Variants in MED13L observed in about 807,000 individuals in gnomAD.
MED13L encodes the protein mediator complex subunit 13L.
MED13L carries 7 observed loss-of-function variants against 220.9 expected under a neutral mutation model. The ratio of observed to expected loss-of-function variants is 0.03; its 90% CI spans 0.02 to 0.06. MED13L has a LOEUF of 0.06. MED13L is among the 10% of genes least tolerant of loss of function. The pLI, the probability that MED13L is intolerant of heterozygous loss-of-function variation, is 1.00. For synonymous variants in MED13L, 1,011 were observed against 1,015.2 expected (o/e 1.00, Z 0.08); for missense variants, 1,965 against 2,760.5 (o/e 0.71, Z 6.46).
At chr12:116,029,607 A>G (rs1880605204) in intron 4 of MED13L, among the ~76,000 whole-genome samples, 1 of 152,192 alleles carries the variant, frequency 6.6e-6, no homozygotes, top group South Asian at 2.1e-4. Context: ...GTACAGGAAT[A>G]ACAACAAATA....
At chr12:116,111,581 T>A in intron 2 of MED13L, 69 bp from the exon 3 acceptor site, 2 of 1,240,764 alleles carry the variant, frequency 1.6e-6, no homozygotes, top group Non-Finnish European at 2.3e-6. Context: ...AAGAAACTTT[T>A]AAAACATTTT....
At chr12:116,012,547 C>T (rs563064085) in intron 9 of MED13L, among the ~76,000 whole-genome samples, 1 of 152,238 alleles carries the variant, frequency 6.6e-6, no homozygotes, top group Admixed American at 6.5e-5. Flanking sequence ...CAAACTGATG[C>T]CTTTAGTTTT....
chr12:115,984,495 T>C, intron 19 of MED13L, 123 bp from the exon 20 acceptor site: 1 of 1,020,306 alleles, frequency 9.8e-7, no homozygotes, highest in Non-Finnish European at 1.4e-6. Flanking sequence ...TTTAGGGTTA[T>C]CACATGCAAT....
Position 115,959,763 on chromosome 12 carries a change from T to C in MED13L, c.*1503A>G, listed in dbSNP as rs1354294677. 1 of 152,654 alleles carries C rather than the reference T, an allele frequency of 6.6e-6. No homozygotes were observed. Among genetic ancestry groups the C allele is most frequent in the Non-Finnish European group, 1.5e-5 (1 of 68,044 alleles). The allele number at this position is 152,654 out of a possible 1,614,324, so 9.5% of individuals were successfully genotyped here. A position where few individuals can be genotyped will look rare whatever the true frequency, so the allele number is the denominator to read the frequency against. On this transcript the variant is annotated 3_prime_UTR_variant, in exon 31 of 31. Coordinates refer to ENST00000281928, the MANE Select transcript of MED13L (RefSeq NM_015335.5). The stretch of plus-strand genomic sequence containing the variant: ...TCCCACCACACAACTTTTTTTTTAA[T>C]ATAATGTTTTAAACTTTAGATTATT...
Position 116,088,398 on chromosome 12 carries a change from G to A in MED13L, c.479+8271C>T, listed in dbSNP as rs563340103. Among the ~76,000 whole-genome samples the A allele has an allele frequency of 1.1e-4, 16 of 152,214 alleles. No individual in the cohort carries two copies. The South Asian group carries it at 1.7e-3, about 16-fold the overall frequency. ...ATGGTGCAGGCTCTCAACAGCCCTC[G>A]GAAGGCTAAAACAGTGGTTTTCAAC... On this transcript the variant is annotated intron_variant, in intron 4 of 30. Transcript: ENST00000281928.
intron 1 of MED13L, among the ~76,000 whole-genome samples, chr12:116,251,195 AAC>A (rs1278977350): frequency 2.6e-4 from 39 of 151,254 alleles, no homozygotes; most frequent in Non-Finnish European, 8.8e-5. Context: ...TAGGGAGGAA[AAC>A]AAAAACAAAA....
chr12:116,083,422 A>C (rs1337206274), intron 4 of MED13L, among the ~76,000 whole-genome samples: 2 of 151,402 alleles, frequency 1.3e-5, no homozygotes, highest in Non-Finnish European at 2.9e-5. Flanking sequence ...AAAAAAAAAA[A>C]AAAAACACCT....
intron 2 of MED13L, among the ~76,000 whole-genome samples, chr12:116,206,176 G>A (rs1285134382): frequency 2.7e-5 from 4 of 150,298 alleles, no homozygotes; most frequent in Non-Finnish European, 4.4e-5. Context: ...CTCCTCCTGG[G>A]TTCAAGCAGT....
chr12:116,132,766 A>G (rs1876186988), intron 2 of MED13L, among the ~76,000 whole-genome samples: 2 of 152,070 alleles, frequency 1.3e-5, no homozygotes, highest in African/African-American at 4.8e-5. Context: ...CTAAAAATAC[A>G]AAAATTAGCC....
chr12:116,166,386 T>G lies in MED13L; in HGVS notation c.311-54874A>C, dbSNP rs532829168. Reference sequence around the variant, plus strand: ...GCAAGTATAAAGCAGGCAGAAGTTCTGTCCCTCTAAGAGAATCCTGCCTAA... The same window carrying G: ...GCAAGTATAAAGCAGGCAGAAGTTCGGTCCCTCTAAGAGAATCCTGCCTAA... On this transcript the variant is annotated intron_variant, in intron 2 of 30. Coordinates refer to ENST00000281928, the MANE Select transcript of MED13L (RefSeq NM_015335.5). 1.6e-3 allele frequency among the ~76,000 whole-genome samples: 242 copies of G among 152,258 alleles called. 2 individuals carry two copies. The highest frequency in any genetic ancestry group is 5.1e-3 in the African/African-American group (213 of 41,542).
intron 2 of MED13L, among the ~76,000 whole-genome samples, chr12:116,166,591 T>A (rs1405716055): frequency 6.6e-6 from 1 of 152,090 alleles, no homozygotes; most frequent in Non-Finnish European, 1.5e-5. Context: ...CATTAATAAA[T>A]AAATAAATAA....
At chr12:116,136,869 C>A (rs1876601581) in intron 2 of MED13L, among the ~76,000 whole-genome samples, 1 of 152,148 alleles carries the variant, frequency 6.6e-6, no homozygotes, top group African/African-American at 2.4e-5. Context: ...ATTACATGCA[C>A]ACTTTCATGA....
At chr12:116,186,639 A>T (rs564464166) in intron 2 of MED13L, among the ~76,000 whole-genome samples, 12 of 152,218 alleles carry the variant, frequency 7.9e-5, no homozygotes, top group Non-Finnish European at 1.8e-4. Context: ...CTTTACAGTG[A>T]GGAAAGTGCA....
chr12:115,990,748 G>A (rs948273434), intron 17 of MED13L, among the ~76,000 whole-genome samples: 1 of 152,108 alleles, frequency 6.6e-6, no homozygotes, highest in Non-Finnish European at 1.5e-5. Flanking sequence ...GATACTCAGC[G>A]GTCACAGGTT....
intron 30 of MED13L, 164 bp from the exon 31 acceptor site, chr12:115,961,562 T>G: frequency 1.0e-6 from 1 of 982,816 alleles, no homozygotes; most frequent in South Asian, 1.4e-5. Flanking sequence ...CCTCCTTCCT[T>G]CTAGATATGG....
At chr12:116,250,911 A>C (rs1871492905) in intron 1 of MED13L, among the ~76,000 whole-genome samples, 1 of 152,080 alleles carries the variant, frequency 6.6e-6, no homozygotes, top group Non-Finnish European at 1.5e-5. Flanking sequence ...AAAGTATGAC[A>C]ACAATAGCAC....
intron 27 of MED13L, among the ~76,000 whole-genome samples, chr12:115,969,327 T>G (rs1424390973): frequency 6.6e-6 from 1 of 152,156 alleles, no homozygotes; most frequent in African/African-American, 2.4e-5. Flanking sequence ...ATTAACAGAA[T>G]GCAATAAAGA....
rs1592967502 is a variant in MED13L at position 116,031,759 on chromosome 12, A to AGAAAAGAAAAGAAAAGAAAGAAGGAAG, written c.480-9159_480-9158insCTTCCTTCTTTCTTTTCTTTTCTTTTC. Among the ~76,000 whole-genome samples, 3 of 40,952 alleles carry AGAAAAGAAAAGAAAAGAAAGAAGGAAG rather than the reference A, an allele frequency of 7.3e-5. 1 individual carries two copies. Among genetic ancestry groups the AGAAAAGAAAAGAAAAGAAAGAAGGAAG allele is most frequent in the African/African-American group, 3.3e-4 (3 of 9,080 alleles). 26.9% of individuals were successfully genotyped at this position (40,952 alleles called of 152,430 possible). ...AGAAAAGAAAAGAAAAGAAAAGAAA[A>AGAAAAGAAAAGAAAAGAAAGAAGGAAG]GAAGGAAGGAAGGAAGGAAGGAAGG... is the stretch of plus-strand genomic sequence containing the variant. On this transcript the variant is annotated intron_variant, in intron 4 of 30. Transcript: ENST00000281928.
Position 115,984,214 on chromosome 12 carries a change from G to C in MED13L, c.4497C>G (p.Leu1499=). The C allele has an allele frequency of 6.2e-7, 1 of 1,613,898 alleles. No homozygotes were observed. Among genetic ancestry groups the C allele is most frequent in the Non-Finnish European group, 8.5e-7 (1 of 1,179,946 alleles). Residue 1499 remains leucine (L), a synonymous_variant, in exon 20 of 31, where the codon CTC becomes CTG. Transcript: ENST00000281928. ...GGCGGCAAACTTGCGCATAAAGTTT[G>C]AGTCTGGAATGATTGTCATTCTCCT... is the stretch of plus-strand genomic sequence containing the variant. ...SGEENDNHSR[L]KLYAQVCRHH...
Sources: allele counts gnomAD v4.1 joint callset (sites outside exome capture counted in the v4.1 genomes callset), GRCh38; gene constraint gnomAD v4.1.1; transcripts MANE v1.5; gene names NCBI Gene and HGNC (gene_info 2026-07-23, HGNC 2026-07-21).